The following RAP1GAP variants were observed in gnomAD, a reference collection of about 807,000 sequenced individuals.
RAP1GAP encodes rap1 GTPase-activating protein 1.
In RAP1GAP, 35 loss-of-function variants were observed where a neutral mutation model predicts 87.2. That is an observed-to-expected ratio of 0.40 (90% CI 0.31 to 0.53). RAP1GAP has a LOEUF of 0.53. Among genes scored for constraint, RAP1GAP ranks in the 20% least tolerant of loss-of-function variants. The pLI is 0.48. For synonymous variants in RAP1GAP, 375 were observed against 363.9 expected (o/e 1.03, Z -0.35); for missense variants, 734 against 898.9 (o/e 0.82, Z 2.35).
chr1:21,613,843 G>C lies in RAP1GAP; in HGVS notation c.396-137C>G, dbSNP rs1313737268. ...GTGATGATGGGTGTCAGGCTGACTC[G>C]GGTACTAACTTGCTGTGCAACCTCA... On this transcript the variant is annotated intron_variant, in intron 8 of 24. Coordinates refer to ENST00000374765, the MANE Select transcript of RAP1GAP (RefSeq NM_002885.4). The surrounding 1 kb of genome is among the most constrained non-coding windows in gnomAD (Gnocchi z 4.7). The C allele has an allele frequency of 3.5e-6, 4 of 1,131,500 alleles. No homozygotes were observed. In the Admixed American group the frequency reaches 5.9e-5, roughly 17 times the overall value. 70.1% of individuals were successfully genotyped at this position (1,131,500 alleles called of 1,614,324 possible).
Position 21,639,300 on chromosome 1 carries a change from A to G in RAP1GAP, c.-113+10461T>C, listed in dbSNP as rs190653478. Among the ~76,000 whole-genome samples the G allele has an allele frequency of 4.6e-5, 7 of 152,148 alleles. No homozygotes were observed. The East Asian group carries it at 1.4e-3, about 29-fold the overall frequency. ...AGGCCCTTCCCTGGAGCTCTAAATA[A>G]CTTTCTGTGTTGATCAACCTGTTTG... On this transcript the variant is annotated intron_variant, in intron 2 of 24. Transcript: ENST00000374765.
chr1:21,602,981 C>G, intron 18 of RAP1GAP, 68 bp from the exon 19 acceptor site: 18 of 1,149,996 alleles, frequency 1.6e-5, no homozygotes, highest in Non-Finnish European at 2.1e-5. Flanking sequence ...CACATCCCCT[C>G]TGGGGATCCT....
At chr1:21,602,767 A>T (rs829368) in intron 19 of RAP1GAP, 37 bp downstream of exon 19, 1 of 1,546,010 alleles carries the variant, frequency 6.5e-7, no homozygotes, top group South Asian at 1.1e-5. Flanking sequence ...AGGGATGGGG[A>T]TGCAGGGGAA....
At chr1:21,650,945 C>T (rs373412903) in intron 1 of RAP1GAP, among the ~76,000 whole-genome samples, 1 of 152,146 alleles carries the variant, frequency 6.6e-6, no homozygotes, top group Non-Finnish European at 1.5e-5. Context: ...CAAGCCCCAG[C>T]GCTCCACACC....
chr1:21,610,026 TG>T, intron 14 of RAP1GAP, 93 bp downstream of exon 14: 1 of 1,434,708 alleles, frequency 7.0e-7, no homozygotes. Context: ...CCATTATAGC[TG>T]GAAAAAGTGA....
chr1:21,665,175 A>G (rs1347253477), intron 1 of RAP1GAP: 1 of 474,764 alleles, frequency 2.1e-6, no homozygotes, highest in Non-Finnish European at 4.3e-6. Context: ...CACTTCCTAG[A>G]TCAAGAAACA....
At chr1:21,648,315 C>T (rs1380646428) in intron 2 of RAP1GAP, among the ~76,000 whole-genome samples, 2 of 152,174 alleles carry the variant, frequency 1.3e-5, no homozygotes, top group Non-Finnish European at 2.9e-5. Flanking sequence ...TTCTGGGTGG[C>T]CCCTGTCTCT....
chr1:21,638,231 G>GTGGA (rs2095115283), intron 2 of RAP1GAP, among the ~76,000 whole-genome samples: 1 of 151,930 alleles, frequency 6.6e-6, no homozygotes, highest in Non-Finnish European at 1.5e-5. Context: ...GCCAAGTCAG[G>GTGGA]TGGATCACTT....
In RAP1GAP at chr1:21,603,697, G is replaced by A. The variant is rs752280814; in HGVS notation, c.1429-784C>T. On this transcript the variant is annotated intron_variant, in intron 18 of 24. Transcript: ENST00000374765. The surrounding 1 kb of genome is among the most constrained non-coding windows in gnomAD (Gnocchi z 6.0). ...GGTGCTGAGTGCCATCGGAGCTGCC[G>A]CCACTCCATCCCGCACGCCCTGGGG... is the stretch of plus-strand genomic sequence containing the variant. The A allele has an allele frequency of 6.3e-6, 6 of 948,692 alleles. No homozygotes were observed. The East Asian group carries it at 7.2e-5, about 11-fold the overall frequency. 58.8% of individuals were successfully genotyped at this position (948,692 alleles called of 1,614,324 possible). A position where few individuals can be genotyped will look rare whatever the true frequency, so the allele number is the denominator to read the frequency against.
chr1:21,654,080 C>G (rs993964986), intron 1 of RAP1GAP, among the ~76,000 whole-genome samples: 1 of 57,376 alleles, frequency 1.7e-5, no homozygotes, highest in Non-Finnish European at 3.4e-5. Flanking sequence ...GCCTCATTGG[C>G]AAGGGATGGG....
At chr1:21,598,288 G>T in intron 22 of RAP1GAP, 112 bp downstream of exon 22, 1 of 1,035,584 alleles carries the variant, frequency 9.7e-7, no homozygotes, top group South Asian at 1.5e-5. Flanking sequence ...CTCCAAGTCA[G>T]GGGCAGTCAC....
chr1:21,617,364 T>G lies in RAP1GAP; in HGVS notation c.233A>C (p.Lys78Thr). ...ETEPLQSPTTKVKLECNPTAR... is the reference protein window; with the variant it reads ...ETEPLQSPTTTVKLECNPTAR... ...TGTGGGGTTGCACTCGAGCTTCACCTTGGTTGTGGGCGACTGCAGTGGCTC... is the reference window on the plus strand; with the variant it reads ...TGTGGGGTTGCACTCGAGCTTCACCGTGGTTGTGGGCGACTGCAGTGGCTC... Residue 78 changes from lysine to threonine, a missense_variant, in exon 7 of 25, where the codon AAG becomes ACG. Physicochemically the swap from Lys to Thr is moderately conservative, Grantham distance 78. Around this residue, in one of 2 missense-constraint regions of RAP1GAP, gnomAD observed 485 missense variants for 646.2 expected, o/e 0.75. Coordinates refer to ENST00000374765, the MANE Select transcript of RAP1GAP (RefSeq NM_002885.4). 1 of 1,600,494 alleles carries G rather than the reference T, an allele frequency of 6.2e-7. No individual in the cohort carries two copies.
At chr1:21,623,723 A>G (rs1046436453) in intron 3 of RAP1GAP, among the ~76,000 whole-genome samples, 4 of 152,220 alleles carry the variant, frequency 2.6e-5, no homozygotes, top group African/African-American at 9.7e-5. Context: ...TGGTTTTAAT[A>G]ATTAACAACA....
At chr1:21,653,550 T>C (rs1354282870) in intron 1 of RAP1GAP, among the ~76,000 whole-genome samples, 6 of 103,746 alleles carry the variant, frequency 5.8e-5, no homozygotes, top group Non-Finnish European at 1.2e-4. Flanking sequence ...GGAACTTCCT[T>C]CCTTCCTTCC....
In RAP1GAP at chr1:21,598,067, G is replaced by A. The variant is rs1162412819; in HGVS notation, c.1880-3C>T. 1 of 1,529,694 alleles carries A rather than the reference G, an allele frequency of 6.5e-7. No individual in the cohort carries two copies. 94.8% of individuals were successfully genotyped at this position (1,529,694 alleles called of 1,614,324 possible). A position where few individuals can be genotyped will look rare whatever the true frequency, so the allele number is the denominator to read the frequency against. On this transcript the variant is annotated splice_region_variant and splice_polypyrimidine_tract_variant and intron_variant, in intron 22 of 24. Coordinates refer to ENST00000374765, the MANE Select transcript of RAP1GAP (RefSeq NM_002885.4). ...TGGGTGGGGTGATCGAGAGGGGCCT[G>A]GGGAGGGGGGCAGGAGGGAGCCACC...
intron 2 of RAP1GAP, among the ~76,000 whole-genome samples, 196 bp downstream of exon 2, chr1:21,649,565 G>A (rs945301056): frequency 6.6e-6 from 1 of 152,144 alleles, no homozygotes; most frequent in African/African-American, 2.4e-5. Context: ...ATGTAAACCT[G>A]CTTTGCCTGC....
At position 21,611,560 on chromosome 1, in the gene RAP1GAP, C is replaced by T. The variant is rs2078301316; in HGVS notation, c.735G>A (p.Val245=). The change falls in exon 13 of 25, where the codon GTG becomes GTA. Residue 245 remains valine, a synonymous_variant. Coordinates refer to ENST00000374765, the MANE Select transcript of RAP1GAP (RefSeq NM_002885.4). ...DFKGFRGGLD[V]THGQTGTESV... is the part of the protein sequence containing the mutation. ...ATTCGGTCCCCGTCTGCCCGTGGGT[C>T]ACGTCCAGGCCTCCTCGGAACCTGC... 3.1e-6 allele frequency: 5 copies of T among 1,614,078 alleles called. 1 individual carries two copies. The South Asian group carries it at 4.4e-5, about 14-fold the overall frequency.
At chr1:21,597,865 G>C (rs996503109) in intron 23 of RAP1GAP, 96 bp downstream of exon 23, 6 of 1,500,528 alleles carry the variant, frequency 4.0e-6, no homozygotes, top group East Asian at 2.3e-5. Context: ...GGCCTAGGGG[G>C]ACCTCTTGGT....
chr1:21,629,715 G>A (rs1233486186), intron 2 of RAP1GAP, among the ~76,000 whole-genome samples: 6 of 152,202 alleles, frequency 3.9e-5, no homozygotes, highest in Non-Finnish European at 5.9e-5. Flanking sequence ...ACGTCCTGCC[G>A]GGCGTCTTGC....
Sources: gnomAD v4.1 joint callset for allele counts (sites outside exome capture counted in the v4.1 genomes callset) on GRCh38, gnomAD v4.1.1 for gene constraint, gnomAD v4.1.1 regional missense constraint, Gnocchi (gnomAD v3.1) non-coding constraint, MANE v1.5 for transcripts, NCBI Gene and HGNC (gene_info 2026-07-23, HGNC 2026-07-21) for gene names.